YY1AP1: variants seen among roughly 807,000 people sequenced by gnomAD.
The protein encoded by YY1AP1 is YY1-associated protein 1.
In YY1AP1, 43 loss-of-function variants were observed where a neutral mutation model predicts 39.9. The observed-to-expected ratio is 1.08, with a 90% CI of 0.84 to 1.39. The LOEUF (loss-of-function observed/expected upper bound fraction) is 1.39. YY1AP1 is among the 40% of genes most tolerant of loss of function. YY1AP1 has a pLI of 0.00. For missense variants in YY1AP1, 813 were observed against 900.7 expected, an observed-to-expected ratio of 0.90 and a Z score of 1.25; for synonymous variants, 292 against 331.3, an observed-to-expected ratio of 0.88 and a Z score of 1.29.
intron 2 of YY1AP1, among the ~76,000 whole-genome samples, chr1:155,682,176 T>A (rs192189595): frequency 1.3e-5 from 2 of 152,194 alleles, no homozygotes; most frequent in African/African-American, 4.8e-5. Context: ...TCTACAAATA[T>A]TCAAAGTCGA....
rs1261165398 is a variant in YY1AP1, at chr1:155,660,273, G to T, written c.1637C>A (p.Pro546His). The T allele has an allele frequency of 1.2e-6, 2 of 1,614,168 alleles. No individual in the cohort carries two copies. Among genetic ancestry groups the T allele is most frequent in the Non-Finnish European group, 1.7e-6 (2 of 1,179,980 alleles). ...ARAFRCIKPA[P>H]VIHPASVIFT... ...GATAACAGATGCAGGGTGGATAACA[G>T]GGGCAGGTTTGATACAGCGAAAGGC... Residue 546 changes from proline (P) to histidine (H), a missense_variant, in exon 11 of 11, where the codon CCT becomes CAT. Pro to His is a moderately conservative substitution (Grantham distance 77). Transcript: ENST00000355499.
intron 3 of YY1AP1, 112 bp from the exon 4 acceptor site, chr1:155,679,624 C>T (rs1420403221): frequency 1.9e-6 from 3 of 1,560,528 alleles, no homozygotes; most frequent in East Asian, 4.7e-5. Context: ...ATGCTGGCAC[C>T]CAGAAAGAGC....
At chr1:155,680,243 C>G in intron 3 of YY1AP1, 173 bp downstream of exon 3, 1 of 526,268 alleles carries the variant, frequency 1.9e-6, no homozygotes, top group South Asian at 2.2e-5. Context: ...TGTGGATAAT[C>G]AAGAGTCTAG....
chr1:155,669,406 T>G (rs1244936131), intron 8 of YY1AP1, among the ~76,000 whole-genome samples: 2 of 152,194 alleles, frequency 1.3e-5, no homozygotes, highest in African/African-American at 2.4e-5. Flanking sequence ...GTAGAAAATT[T>G]CAGGTATTTA....
chr1:155,660,081 G>C lies in YY1AP1; in HGVS notation c.1829C>G (p.Ala610Gly). The C allele has an allele frequency of 6.2e-7, 1 of 1,614,206 alleles. No individual in the cohort carries two copies. Among genetic ancestry groups the C allele is most frequent in the Non-Finnish European group, 8.5e-7 (1 of 1,180,040 alleles). ...AACAATTAAGGGTGAGACAGAGGAGGCCACAAGGGGCTGGTTCAATGGACA... is the reference window on the plus strand; with the variant it reads ...AACAATTAAGGGTGAGACAGAGGAGCCCACAAGGGGCTGGTTCAATGGACA... Reference protein sequence around the residue: ...FPCPLNQPLVASSVSPLIVSG... With the variant: ...FPCPLNQPLVGSSVSPLIVSG... The change falls in exon 11 of 11, where the codon GCC (alanine) becomes GGC (glycine). Residue 610 changes from alanine to glycine, a missense_variant. Ala to Gly is a moderately conservative substitution (Grantham distance 60). This residue lies in a region of YY1AP1 where 586 missense variants were observed against 647.4 expected (regional missense o/e 0.91). Transcript: ENST00000355499.
At chr1:155,678,756 T>C (rs1293357172) in intron 4 of YY1AP1, among the ~76,000 whole-genome samples, 1 of 152,220 alleles carries the variant, frequency 6.6e-6, no homozygotes, top group Non-Finnish European at 1.5e-5. Flanking sequence ...AACACAGGAC[T>C]AATTACAGGG....
chr1:155,685,148 T>A (rs1314351577), intron 2 of YY1AP1, among the ~76,000 whole-genome samples: 1 of 152,210 alleles, frequency 6.6e-6, no homozygotes, highest in African/African-American at 2.4e-5. Flanking sequence ...CAAAACATAT[T>A]TTTTTAAAGT....
chr1:155,673,207 C>T (rs1185031228), intron 6 of YY1AP1, among the ~76,000 whole-genome samples: 1 of 152,012 alleles, frequency 6.6e-6, no homozygotes, highest in Non-Finnish European at 1.5e-5. Context: ...GCAGAGACAG[C>T]GTTTTCCCAT....
At chr1:155,665,051 T>A (rs991850985) in intron 9 of YY1AP1, among the ~76,000 whole-genome samples, 4 of 151,724 alleles carry the variant, frequency 2.6e-5, no homozygotes, top group African/African-American at 9.7e-5. Context: ...ATTACAGGCG[T>A]GAGCCACTGC....
chr1:155,681,946 A>C (rs947045825), intron 2 of YY1AP1, among the ~76,000 whole-genome samples: 4 of 151,800 alleles, frequency 2.6e-5, no homozygotes, highest in African/African-American at 9.7e-5. Context: ...CATCCTCCCA[A>C]AGTGCTGGGA....
chr1:155,665,472 G>A (rs544330738), intron 9 of YY1AP1, among the ~76,000 whole-genome samples: 44 of 152,024 alleles, frequency 2.9e-4, no homozygotes, highest in African/African-American at 1.0e-3. Flanking sequence ...AGTGGCATGT[G>A]CCTATAATCC....
At position 155,660,441 on chromosome 1, in the gene YY1AP1, G is replaced by C; in HGVS notation, c.1469C>G (p.Ala490Gly). 2 of 1,614,136 alleles carry C rather than the reference G, an allele frequency of 1.2e-6. No individual in the cohort carries two copies. The highest frequency in any genetic ancestry group is 1.7e-6 in the Non-Finnish European group (2 of 1,180,026). The change falls in exon 11 of 11, where the codon GCC (alanine) becomes GGC (glycine). Residue 490 changes from alanine to glycine, a missense_variant. Physicochemically the swap from Ala to Gly is moderately conservative, Grantham distance 60 (BLOSUM62 0). Coordinates refer to ENST00000355499, the MANE Select transcript of YY1AP1 (RefSeq NM_139119.3). ...CTCAGACAGAGGGAAGCTTGTCCTG[G>C]CCTCAGGGGGCATAGCAGGCAGTGC... ...PAALPAMPPE[A>G]RTSFPLSESQ... is the part of the protein sequence containing the mutation.
chr1:155,675,239 C>T, intron 5 of YY1AP1, 143 bp from the exon 6 acceptor site: 1 of 628,020 alleles, frequency 1.6e-6, no homozygotes, highest in East Asian at 3.1e-5. Context: ...TGACTCAATG[C>T]CCTCTCAACC....
chr1:155,688,203 T>A lies in YY1AP1; in HGVS notation c.-151-2A>T. Reference sequence around the variant, plus strand: ...GGAGGCGGCCAGCGGGTAAGCCGACTGGCGGAAATGCGAGAGAGGAGAAGG... The same window carrying A: ...GGAGGCGGCCAGCGGGTAAGCCGACAGGCGGAAATGCGAGAGAGGAGAAGG... On this transcript the variant is annotated splice_acceptor_variant, in intron 1 of 10. Coordinates refer to ENST00000355499, the MANE Select transcript of YY1AP1 (RefSeq NM_139119.3). LOFTEE classifies it low-confidence loss of function (5UTR_SPLICE). 7 of 1,613,870 alleles carry A rather than the reference T, an allele frequency of 4.3e-6. No homozygotes were observed. Among genetic ancestry groups the A allele is most frequent in the Non-Finnish European group, 5.1e-6 (6 of 1,179,912 alleles).
chr1:155,682,292 A>G (rs1056261299), intron 2 of YY1AP1, among the ~76,000 whole-genome samples: 2 of 152,086 alleles, frequency 1.3e-5, no homozygotes, highest in Non-Finnish European at 2.9e-5. Context: ...TACAATGGTT[A>G]TCTAGGAAGT....
chr1:155,664,367 A>G (rs1330892806), intron 9 of YY1AP1, among the ~76,000 whole-genome samples: 1 of 152,164 alleles, frequency 6.6e-6, no homozygotes, highest in Non-Finnish European at 1.5e-5. Context: ...CTCCCAATAT[A>G]ATGTTTTTAT....
chr1:155,659,520 C>A lies in YY1AP1; in HGVS notation c.*137G>T. 1 of 823,208 alleles carries A rather than the reference C, an allele frequency of 1.2e-6. No individual in the cohort carries two copies. The highest frequency in any genetic ancestry group is 2.0e-6 in the Non-Finnish European group (1 of 511,982). 51.0% of individuals were successfully genotyped at this position (823,208 alleles called of 1,614,324 possible). A position where few individuals can be genotyped will look rare whatever the true frequency, so the allele number is the denominator to read the frequency against. ...TCCACAGAGTGGGAGCAGGCTAAAG[C>A]AAGCTGCTCAAGAGCCCCAGTTGCA... On this transcript the variant is annotated 3_prime_UTR_variant, in exon 11 of 11. Coordinates refer to ENST00000355499, the MANE Select transcript of YY1AP1 (RefSeq NM_139119.3).
At chr1:155,673,899 C>A (rs1490828523) in intron 6 of YY1AP1, among the ~76,000 whole-genome samples, 3 of 151,914 alleles carry the variant, frequency 2.0e-5, no homozygotes, top group Non-Finnish European at 4.4e-5. Context: ...CGGTGGCTCA[C>A]GCCTGTAATC....
intron 9 of YY1AP1, among the ~76,000 whole-genome samples, chr1:155,667,337 T>C (rs1209398841): frequency 6.6e-6 from 1 of 151,510 alleles, no homozygotes; most frequent in Non-Finnish European, 1.5e-5. Context: ...CACCCTGTCT[T>C]CACACAAAAT....
Sources: gnomAD v4.1 joint callset for allele counts (sites outside exome capture counted in the v4.1 genomes callset) on GRCh38, gnomAD v4.1.1 for gene constraint, gnomAD v4.1.1 regional missense constraint, MANE v1.5 for transcripts, NCBI Gene and HGNC (gene_info 2026-07-23, HGNC 2026-07-21) for gene names.